CHL1: variants seen among roughly 807,000 people sequenced by gnomAD.
CHL1 encodes cell adhesion molecule L1 like.
A neutral mutation model predicts 141.9 loss-of-function variants in CHL1; 96 were observed. The ratio of observed to expected loss-of-function variants is 0.68; its 90% confidence interval spans 0.57 to 0.80. The LOEUF is 0.80. Ranked by LOEUF, CHL1 falls within the 30% of genes least tolerant of loss-of-function variation. CHL1 has a pLI of 0.00. For missense variants in CHL1, 1,820 were observed against 1,457.2 expected (o/e 1.25, Z -4.05); for synonymous variants, 613 against 502.2 (o/e 1.22, Z -2.95).
At chr3:320,005 C>G (rs1407719426) in intron 3 of CHL1, 138 bp downstream of exon 3, 3 of 577,968 alleles carry the variant, frequency 5.2e-6, no homozygotes, top group Non-Finnish European at 8.9e-6. Flanking sequence ...CATGAGAATT[C>G]ATATCTATCT....
chr3:234,191 G>A (rs930539032), intron 1 of CHL1, among the ~76,000 whole-genome samples: 9 of 143,580 alleles, frequency 6.3e-5, no homozygotes, highest in Non-Finnish European at 9.1e-5. Context: ...ATGTGTGTGT[G>A]TGTATATATA....
At chr3:267,098 T>A (rs777244383) in intron 2 of CHL1, among the ~76,000 whole-genome samples, 1 of 152,230 alleles carries the variant, frequency 6.6e-6, no homozygotes, top group South Asian at 2.1e-4. Flanking sequence ...TATTTCCTAT[T>A]TCACAGTAGT....
chr3:259,124 C>T (rs1694460676), intron 2 of CHL1, among the ~76,000 whole-genome samples: 2 of 151,606 alleles, frequency 1.3e-5, no homozygotes, highest in Admixed American at 1.3e-4. Context: ...AATTTCACCA[C>T]ATTTCAGGCT....
chr3:342,576 A>C (rs960820831), intron 7 of CHL1, among the ~76,000 whole-genome samples: 1 of 152,196 alleles, frequency 6.6e-6, no homozygotes, highest in Admixed American at 6.5e-5. Context: ...GGGAGGAAGA[A>C]CCGTAAGATT....
At chr3:347,543 A>AATGGT (rs751937369) in intron 9 of CHL1, among the ~76,000 whole-genome samples, 83 of 142,804 alleles carry the variant, frequency 5.8e-4, no homozygotes, top group Non-Finnish European at 1.1e-3. Context: ...GGTATTAGAA[A>AATGGT]ATTAGACTAG....
At chr3:198,191 G>GACCACC in intron 1 of CHL1, 8 of 177,352 alleles carry the variant, frequency 4.5e-5, no homozygotes, top group East Asian at 1.8e-4. Context: ...GGCCGGCGGC[G>GACCACC]GAGGGCAGGT....
chr3:204,572 A>G (rs1251193567), intron 1 of CHL1, among the ~76,000 whole-genome samples: 3 of 152,192 alleles, frequency 2.0e-5, no homozygotes, highest in Non-Finnish European at 4.4e-5. Context: ...TTGCGGTTAG[A>G]GTTGTTGGAA....
At chr3:234,774 T>C (rs899865831) in intron 1 of CHL1, among the ~76,000 whole-genome samples, 5 of 152,124 alleles carry the variant, frequency 3.3e-5, no homozygotes, top group Non-Finnish European at 7.3e-5. Context: ...GGGCTCCCCA[T>C]TCATGGGTGT....
At chr3:393,174 G>A (rs897654620) in intron 23 of CHL1, among the ~76,000 whole-genome samples, 19 of 148,006 alleles carry the variant, frequency 1.3e-4, no homozygotes, top group Admixed American at 2.1e-4. Flanking sequence ...CAGAGCTTGC[G>A]GTGAGCTGAG....
chr3:379,816 T>G (rs1243987781), intron 16 of CHL1, among the ~76,000 whole-genome samples: 1 of 152,172 alleles, frequency 6.6e-6, no homozygotes, highest in Non-Finnish European at 1.5e-5. Context: ...TCTTTTATTT[T>G]TTAGACAAAC....
At position 251,026 on chromosome 3, in the gene CHL1, T is replaced by C. The variant is rs527749281; in HGVS notation, c.-95+6334T>C. Among the ~76,000 whole-genome samples the C allele has an allele frequency of 3.3e-5, 5 of 152,210 alleles. No individual in the cohort carries two copies. The South Asian group carries it at 1.0e-3, about 32-fold the overall frequency. ...AATCTTATAAAGGCAGATATGTTAT[T>C]CAAGTTATAATGCAAACAAATGTAA... is the stretch of plus-strand genomic sequence containing the variant. On this transcript the variant is annotated intron_variant, in intron 2 of 27. Coordinates refer to ENST00000256509, the MANE Select transcript of CHL1 (RefSeq NM_006614.4).
intron 1 of CHL1, among the ~76,000 whole-genome samples, chr3:242,956 G>C (rs1429083512): frequency 6.6e-6 from 1 of 152,142 alleles, no homozygotes; most frequent in Non-Finnish European, 1.5e-5. Flanking sequence ...CTTGACAGTG[G>C]TAAGAAGTGG....
At chr3:283,064 C>T (rs1052290737) in intron 2 of CHL1, among the ~76,000 whole-genome samples, 1 of 152,170 alleles carries the variant, frequency 6.6e-6, no homozygotes, top group Non-Finnish European at 1.5e-5. Context: ...CATGCAGAAC[C>T]ATTCCATTCA....
At chr3:389,590 C>G in intron 20 of CHL1, 116 bp downstream of exon 20, 2 of 749,592 alleles carry the variant, frequency 2.7e-6, no homozygotes, top group Non-Finnish European at 4.4e-6. Context: ...GATGTACTAG[C>G]CGTGGGAGAT....
chr3:385,261 A>G (rs1164225827), intron 19 of CHL1, among the ~76,000 whole-genome samples: 1 of 152,180 alleles, frequency 6.6e-6, no homozygotes, highest in Non-Finnish European at 1.5e-5. Context: ...GAAGCACATC[A>G]TGTTCCAGTA....
Position 293,541 on chromosome 3 carries a change from C to G in CHL1, c.-94-26142C>G, listed in dbSNP as rs1697902313. On this transcript the variant is annotated intron_variant, in intron 2 of 27. Coordinates refer to ENST00000256509, the MANE Select transcript of CHL1 (RefSeq NM_006614.4). The stretch of plus-strand genomic sequence containing the variant: ...AAAAAACCCTAATTGAATCTTTCCC[C>G]CTGTATTTCTGAGAAAAAGGAGCAA... 2.6e-5 allele frequency among the ~76,000 whole-genome samples: 4 copies of G among 151,996 alleles called. No homozygotes were observed. In the South Asian group the frequency reaches 8.3e-4, roughly 32 times the overall value.
At chr3:373,793 A>G (rs1348417754) in intron 15 of CHL1, 4 of 152,306 alleles carry the variant, frequency 2.6e-5, no homozygotes, top group African/African-American at 9.7e-5. Context: ...TCTGTGGAAA[A>G]AGCTGGGTAG....
At chr3:314,772 C>A (rs1187459429) in intron 2 of CHL1, among the ~76,000 whole-genome samples, 8 of 152,034 alleles carry the variant, frequency 5.3e-5, no homozygotes, top group Non-Finnish European at 1.2e-4. Context: ...GAAAAAGGTG[C>A]AAGGCTTCTT....
intron 1 of CHL1, among the ~76,000 whole-genome samples, chr3:230,251 G>A (rs1235744592): frequency 6.6e-6 from 1 of 152,148 alleles, no homozygotes; most frequent in Non-Finnish European, 1.5e-5. Context: ...TGGATTATGT[G>A]AAGAGATGAA....
Sources: gnomAD v4.1 joint callset for allele counts (sites outside exome capture counted in the v4.1 genomes callset) on GRCh38, gnomAD v4.1.1 for gene constraint, MANE v1.5 for transcripts, NCBI Gene and HGNC (gene_info 2026-07-23, HGNC 2026-07-21) for gene names.